Variants in ACSS3 observed in about 807,000 individuals in gnomAD.
ACSS3 encodes acyl-CoA synthetase short-chain family member 3, mitochondrial.
Under a neutral mutation model 84.2 loss-of-function variants are expected in ACSS3, and 64 were observed. That is an observed-to-expected ratio of 0.76 (90% CI 0.62 to 0.94). ACSS3 has a LOEUF of 0.94. ACSS3 is among the 40% of genes least tolerant of loss of function. The pLI is 0.00. For missense variants in ACSS3, 815 were observed against 867.6 expected (o/e 0.94, Z 0.76); for synonymous variants, 317 against 310.1 (o/e 1.02, Z -0.23).
At chr12:81,213,932 C>T (rs7300894) in intron 9 of ACSS3, among the ~76,000 whole-genome samples, 43,304 of 76,396 alleles carry the variant, frequency 0.57, 14,959 homozygotes, top group Middle Eastern at 0.71. Context: ...TTCCTTCCTT[C>T]CTTTCTCTCT....
At position 81,162,437 on chromosome 12, in the gene ACSS3, A is replaced by G. The variant is rs979032839; in HGVS notation, c.1098+10341A>G. On this transcript the variant is annotated intron_variant, in intron 7 of 15. Coordinates refer to ENST00000548058, the MANE Select transcript of ACSS3 (RefSeq NM_024560.4). ...CTATCTGCAGGCAAGCTGTCCCTCA[A>G]CTCTGTGAGTCTGGCTGAGTCTGGG... 1.1e-4 allele frequency among the ~76,000 whole-genome samples: 16 copies of G among 151,918 alleles called. 1 individual carries two copies. Among genetic ancestry groups the G allele is most frequent in the Admixed American group, 6.6e-4 (10 of 15,256 alleles).
intron 8 of ACSS3, among the ~76,000 whole-genome samples, 197 bp downstream of exon 8, chr12:81,175,136 A>C (rs936391721): frequency 6.6e-6 from 1 of 152,230 alleles, no homozygotes; most frequent in Admixed American, 6.5e-5. Context: ...TTAAAATATT[A>C]TATCATGTTA....
chr12:81,175,221 C>T (rs1270703080), intron 8 of ACSS3, among the ~76,000 whole-genome samples: 1 of 151,874 alleles, frequency 6.6e-6, no homozygotes, highest in Non-Finnish European at 1.5e-5. Context: ...AGGTAAAATG[C>T]CAATTCTGAC....
At chr12:81,104,699 C>G (rs957328491) in intron 1 of ACSS3, 1 of 151,940 alleles carries the variant, frequency 6.6e-6, no homozygotes, top group African/African-American at 2.4e-5. Flanking sequence ...TTACCCTGAC[C>G]CATCATTCAT....
At chr12:81,221,362 A>T (rs1382100017) in intron 11 of ACSS3, among the ~76,000 whole-genome samples, 1 of 152,086 alleles carries the variant, frequency 6.6e-6, no homozygotes, top group Non-Finnish European at 1.5e-5. Context: ...TTCTATTGGA[A>T]GTCAAAAGAA....
At chr12:81,197,320 A>AT (rs1412302818) in intron 8 of ACSS3, among the ~76,000 whole-genome samples, 1 of 152,054 alleles carries the variant, frequency 6.6e-6, no homozygotes, top group African/African-American at 2.4e-5. Flanking sequence ...TTAAACTGTT[A>AT]TTTTTTTCTC....
At chr12:81,114,256 A>C (rs1394670949) in intron 2 of ACSS3, among the ~76,000 whole-genome samples, 2 of 152,142 alleles carry the variant, frequency 1.3e-5, no homozygotes, top group African/African-American at 2.4e-5. Flanking sequence ...AACTAAAGGT[A>C]ATTTTTTGAA....
chr12:81,253,372 T>G lies in ACSS3; in HGVS notation c.1785T>G (p.Gly595=). 2 of 1,613,926 alleles carry G rather than the reference T, an allele frequency of 1.2e-6. No individual in the cohort carries two copies. Among genetic ancestry groups the G allele is most frequent in the Non-Finnish European group, 1.7e-6 (2 of 1,179,898 alleles). The change falls in exon 14 of 16, where the codon GGT becomes GGG. Residue 595 remains glycine, a synonymous_variant. Transcript: ENST00000548058. ...TTGGCAAGGAAGATCCCTTAAAAGG[T>G]CATGTCCCCTTAGCACTCTGTGTAT... is the stretch of plus-strand genomic sequence containing the variant. ...AVVGKEDPLK[G]HVPLALCVLR...
intron 1 of ACSS3, among the ~76,000 whole-genome samples, chr12:81,088,472 A>C (rs1414391742): frequency 1.3e-5 from 2 of 152,076 alleles, no homozygotes; most frequent in East Asian, 3.8e-4. Context: ...TGTTATCATA[A>C]AAACAGCTGT....
chr12:81,106,522 C>G (rs1312209456), intron 1 of ACSS3, among the ~76,000 whole-genome samples: 1 of 152,022 alleles, frequency 6.6e-6, no homozygotes, highest in Admixed American at 6.6e-5. Flanking sequence ...ATCCTGAAAC[C>G]ATACCCTTCC....
intron 1 of ACSS3, among the ~76,000 whole-genome samples, chr12:81,105,086 G>A (rs1046718354): frequency 6.6e-5 from 10 of 152,198 alleles, no homozygotes; most frequent in East Asian, 3.9e-4. Flanking sequence ...AAAATTATGC[G>A]TTATGCAGAA....
intron 9 of ACSS3, among the ~76,000 whole-genome samples, chr12:81,213,715 C>A (rs2032723078): frequency 1.1e-5 from 1 of 94,598 alleles, no homozygotes; most frequent in Non-Finnish European, 2.2e-5. Context: ...CCCCTCCGCT[C>A]CCCTCCGCTC....
chr12:81,127,082 C>T (rs761939654), intron 2 of ACSS3, among the ~76,000 whole-genome samples: 21 of 151,666 alleles, frequency 1.4e-4, no homozygotes, highest in East Asian at 3.9e-4. Context: ...ATGTTTTCAT[C>T]TTTAAAAGAA....
In ACSS3 at chr12:81,193,286, T is replaced by C. The variant is rs2031671605; in HGVS notation, c.1251-6055T>C. 2.6e-5 allele frequency among the ~76,000 whole-genome samples: 4 copies of C among 152,138 alleles called. No individual in the cohort carries two copies. In the South Asian group the frequency reaches 8.3e-4, roughly 31 times the overall value. ...ATCTGTTGGCACAAGTGAAGAGTAA[T>C]TTTTGCTTGTTTGGTAGTTTATGGA... On this transcript the variant is annotated intron_variant, in intron 8 of 15. Transcript: ENST00000548058.
At position 81,255,193 on chromosome 12, in the gene ACSS3, A is replaced by C. The variant is rs1385020202; in HGVS notation, c.*271A>C. 1 of 247,078 alleles carries C rather than the reference A, an allele frequency of 4.0e-6. No homozygotes were observed. The highest frequency in any genetic ancestry group is 7.6e-6 in the Non-Finnish European group (1 of 131,376). 15.3% of individuals were successfully genotyped at this position (247,078 alleles called of 1,614,324 possible). A position where few individuals can be genotyped will look rare whatever the true frequency, so the allele number is the denominator to read the frequency against. On this transcript the variant is annotated 3_prime_UTR_variant, in exon 16 of 16. Coordinates refer to ENST00000548058, the MANE Select transcript of ACSS3 (RefSeq NM_024560.4). ...TTAGGAAAAACGTATCTAGTGTATTATTTTTAAAATTGTACCTCCCAAGAA... is the reference window on the plus strand; with the variant it reads ...TTAGGAAAAACGTATCTAGTGTATTCTTTTTAAAATTGTACCTCCCAAGAA...
chr12:81,094,038 A>G (rs907036961), intron 1 of ACSS3, among the ~76,000 whole-genome samples: 1 of 152,136 alleles, frequency 6.6e-6, no homozygotes, highest in African/African-American at 2.4e-5. Flanking sequence ...GGGTGAATAT[A>G]TAAATATTTC....
At chr12:81,187,815 A>G (rs1032081977) in intron 8 of ACSS3, among the ~76,000 whole-genome samples, 6 of 151,944 alleles carry the variant, frequency 3.9e-5, no homozygotes, top group African/African-American at 1.4e-4. Context: ...TATTAAATTG[A>G]GAAAGCAAGT....
intron 1 of ACSS3, among the ~76,000 whole-genome samples, chr12:81,079,789 A>C (rs1880855672): frequency 6.6e-6 from 1 of 152,188 alleles, no homozygotes; most frequent in African/African-American, 2.4e-5. Flanking sequence ...CTGTGTGTTC[A>C]CAGTCAAGTG....
chr12:81,157,931 T>C (rs1422937060), intron 7 of ACSS3, among the ~76,000 whole-genome samples: 1 of 144,128 alleles, frequency 6.9e-6, no homozygotes, highest in Non-Finnish European at 1.5e-5. Flanking sequence ...GATTACAGAA[T>C]ACACACACAC....
Sources: gnomAD v4.1 joint callset for allele counts (sites outside exome capture counted in the v4.1 genomes callset) on GRCh38, gnomAD v4.1.1 for gene constraint, MANE v1.5 for transcripts, NCBI Gene and HGNC (gene_info 2026-07-23, HGNC 2026-07-21) for gene names.